Variants in LRP2 observed in about 807,000 individuals in gnomAD.
LRP2 encodes low-density lipoprotein receptor-related protein 2.
In LRP2, 172 loss-of-function variants were observed where a neutral mutation model predicts 531.0. The observed-to-expected ratio is 0.32, with a 90% CI of 0.29 to 0.37. The LOEUF (loss-of-function observed/expected upper bound fraction) is 0.37. LRP2 is among the 10% of genes least tolerant of loss of function. The pLI, the probability that LRP2 is intolerant of heterozygous loss-of-function variation, is 1.00. For missense variants in LRP2, 5,167 were observed against 5,868.3 expected, an observed-to-expected ratio of 0.88 and a Z score of 3.90; for synonymous variants, 1,992 against 2,027.6, an observed-to-expected ratio of 0.98 and a Z score of 0.47.
At position 169,128,787 on chromosome 2, in the gene LRP2, G is replaced by A. The variant is rs775156667; in HGVS notation, c.13844C>T (p.Pro4615Leu). Residue 4615 changes from proline (P) to leucine (L), a missense_variant, in exon 79 of 79, where the codon CCA (proline) becomes CTA (leucine). Around this residue, in one of 6 missense-constraint regions of LRP2, gnomAD observed 348 missense variants for 369.3 expected, o/e 0.94. Transcript: ENST00000649046. ...AGGCTTAGCAGGGAGCGAAGGTGAT[G>A]GAGGTGGTGTCGCAGCAACACTTTC... ...QKESVAATPP[P>L]SPSLPAKPKP... 2.5e-6 allele frequency: 4 copies of A among 1,613,992 alleles called. No homozygotes were observed. Among genetic ancestry groups the A allele is most frequent in the Non-Finnish European group, 3.4e-6 (4 of 1,180,002 alleles).
chr2:169,160,845 T>G (rs1283600018), intron 63 of LRP2, among the ~76,000 whole-genome samples: 1 of 152,206 alleles, frequency 6.6e-6, no homozygotes, highest in African/African-American at 2.4e-5. Flanking sequence ...TCAAGTCACT[T>G]CATTCTGTCA....
At position 169,190,488 on chromosome 2, in the gene LRP2, A is replaced by G. The variant is rs112629425; in HGVS notation, c.9032+1344T>C. The stretch of plus-strand genomic sequence containing the variant: ...TCAGGACCACCACAATAAACACACA[A>G]TCGTACACCACACTGGACTCCAACG... On this transcript the variant is annotated intron_variant, in intron 48 of 78. Transcript: ENST00000649046. Among the ~76,000 whole-genome samples the G allele has an allele frequency of 9.0e-3, 1,376 of 152,128 alleles. 15 individuals carry two copies. The highest frequency in any genetic ancestry group is 0.031 in the African/African-American group (1,295 of 41,498).
intron 69 of LRP2, 134 bp downstream of exon 69, chr2:169,146,605 G>T: frequency 1.5e-6 from 1 of 666,154 alleles, no homozygotes; most frequent in Non-Finnish European, 2.6e-6. Context: ...AGTTGGTGGG[G>T]GTGGAGGGGT....
In LRP2 at chr2:169,196,093, C is replaced by T. The variant is rs961176345; in HGVS notation, c.8698+818G>A. The stretch of plus-strand genomic sequence containing the variant: ...TTAAAAGGCAGTATGAAGACAAGGA[C>T]GAGCAAACTTTTTAACTAGATAGTA... On this transcript the variant is annotated intron_variant, in intron 46 of 78. Transcript: ENST00000649046. 5.3e-5 allele frequency among the ~76,000 whole-genome samples: 8 copies of T among 152,158 alleles called. No individual in the cohort carries two copies. The East Asian group carries it at 7.7e-4, about 15-fold the overall frequency.
chr2:169,241,439 A>G, intron 24 of LRP2, 74 bp from the exon 25 acceptor site: 15 of 1,549,010 alleles, frequency 9.7e-6, no homozygotes, highest in Non-Finnish European at 1.3e-5. Context: ...GACTCAGAGG[A>G]AATGATTTTG....
chr2:169,291,435 C>G (rs1683996955), intron 7 of LRP2, among the ~76,000 whole-genome samples: 1 of 152,076 alleles, frequency 6.6e-6, no homozygotes, highest in South Asian at 2.1e-4. Flanking sequence ...AAAACCATAA[C>G]CCAAATGTAG....
rs1688505596 is a variant in LRP2, at chr2:169,209,170, A to G, written c.6469+283T>C. On this transcript the variant is annotated intron_variant, in intron 38 of 78. Coordinates refer to ENST00000649046, the MANE Select transcript of LRP2 (RefSeq NM_004525.3). ...TCAGGTGCAAATCTAAGTGTAAAAA[A>G]AACAAATCCACATAATTTAATATTT... Among the ~76,000 whole-genome samples the G allele has an allele frequency of 2.6e-5, 4 of 152,352 alleles. No homozygotes were observed. The South Asian group carries it at 8.3e-4, about 32-fold the overall frequency.
chr2:169,198,065 TA>T (rs374313640), intron 45 of LRP2, among the ~76,000 whole-genome samples: 26 of 152,342 alleles, frequency 1.7e-4, no homozygotes, highest in Non-Finnish European at 1.2e-4. Flanking sequence ...ACCAAATTGC[TA>T]AATACGAAAT....
intron 66 of LRP2, 37 bp downstream of exon 66, chr2:169,154,423 C>T (rs770254336): frequency 1.9e-6 from 3 of 1,588,320 alleles, no homozygotes; most frequent in Admixed American, 1.7e-5. Context: ...TATAAAGTCA[C>T]TTAATATCAA....
chr2:169,336,236 C>A (rs1483011946), intron 1 of LRP2, among the ~76,000 whole-genome samples: 1 of 151,768 alleles, frequency 6.6e-6, no homozygotes, highest in Non-Finnish European at 1.5e-5. Context: ...GACATCCAGC[C>A]CCTGCAAACG....
In LRP2 at chr2:169,176,511, A is replaced by T; in HGVS notation, c.10471T>A (p.Cys3491Ser). 1.2e-6 allele frequency: 2 copies of T among 1,614,212 alleles called. No homozygotes were observed. Among genetic ancestry groups the T allele is most frequent in the Non-Finnish European group, 8.5e-7 (1 of 1,180,028 alleles). ...LIKPGGKGFTCECPDDFRTLQ... is the reference protein window; with the variant it reads ...LIKPGGKGFTSECPDDFRTLQ... Reference sequence around the variant, plus strand: ...GTGCGGAAGTCATCTGGACACTCGCAAGTGAACCCTTTTCCTCCTGGCTTG... The same window carrying T: ...GTGCGGAAGTCATCTGGACACTCGCTAGTGAACCCTTTTCCTCCTGGCTTG... Residue 3491 changes from cysteine (C) to serine (S), a missense_variant, in exon 54 of 79, where the codon TGC becomes AGC. This residue lies in a region of LRP2 where 1,129 missense variants were observed against 1,362.7 expected (regional missense o/e 0.83). Coordinates refer to ENST00000649046, the MANE Select transcript of LRP2 (RefSeq NM_004525.3).
At chr2:169,133,528 A>C (rs552972998) in intron 76 of LRP2, among the ~76,000 whole-genome samples, 1 of 152,336 alleles carries the variant, frequency 6.6e-6, no homozygotes, top group African/African-American at 2.4e-5. Context: ...AAAATCACAA[A>C]ATATTTGTAA....
rs577605342 is a variant in LRP2, at chr2:169,184,725, T to C, written c.9845+778A>G. The stretch of plus-strand genomic sequence containing the variant: ...TTCTCCAGTTTTCACGCCCAGCCCA[T>C]GCTGGGAATGACTAGTATTGGTTGT... On this transcript the variant is annotated intron_variant, in intron 50 of 78. Transcript: ENST00000649046. 2.0e-5 allele frequency among the ~76,000 whole-genome samples: 3 copies of C among 152,054 alleles called. No homozygotes were observed. In the East Asian group the frequency reaches 5.8e-4, roughly 29 times the overall value.
intron 1 of LRP2, among the ~76,000 whole-genome samples, chr2:169,335,746 G>T (rs1008840089): frequency 6.6e-5 from 10 of 152,294 alleles, no homozygotes; most frequent in South Asian, 2.1e-4. Flanking sequence ...AGGTGTGGTG[G>T]ATTACTCCCG....
chr2:169,261,742 T>G (rs1690563526), intron 16 of LRP2, among the ~76,000 whole-genome samples: 1 of 152,110 alleles, frequency 6.6e-6, no homozygotes, highest in Non-Finnish European at 1.5e-5. Context: ...TAACTCATTT[T>G]ATGAGGCCAG....
chr2:169,275,918 CTA>C (rs1342229312), intron 13 of LRP2, among the ~76,000 whole-genome samples: 4 of 152,032 alleles, frequency 2.6e-5, no homozygotes, highest in African/African-American at 9.7e-5. Context: ...CCCCCCGTGA[CTA>C]TGTCTCCATA....
At chr2:169,130,932 C>A (rs1685262104) in intron 77 of LRP2, among the ~76,000 whole-genome samples, 1 of 152,202 alleles carries the variant, frequency 6.6e-6, no homozygotes, top group Non-Finnish European at 1.5e-5. Context: ...AACAGACATG[C>A]AGATCAGAGG....
At chr2:169,288,979 A>C in intron 9 of LRP2, 47 bp downstream of exon 9, 1 of 1,611,828 alleles carries the variant, frequency 6.2e-7, no homozygotes, top group Non-Finnish European at 8.5e-7. Flanking sequence ...GGCACCCATC[A>C]GTGTACTGTA....
rs1685771457 is a variant in LRP2, at chr2:169,142,810, A to C, written c.12989-17T>G. 6.2e-7 allele frequency: 1 copy of C among 1,613,566 alleles called. No homozygotes were observed. Among genetic ancestry groups the C allele is most frequent in the Admixed American group, 1.7e-5 (1 of 60,010 alleles). ...GGTTGGGCACTGGAAAGCGGGTGAGAACAGCAGTTAGGTCCTGACAGAATG... is the reference window on the plus strand; with the variant it reads ...GGTTGGGCACTGGAAAGCGGGTGAGCACAGCAGTTAGGTCCTGACAGAATG... On this transcript the variant is annotated splice_polypyrimidine_tract_variant and intron_variant, in intron 70 of 78. Transcript: ENST00000649046.
Sources: allele counts gnomAD v4.1 joint callset (sites outside exome capture counted in the v4.1 genomes callset), GRCh38; gene constraint gnomAD v4.1.1; regional missense constraint gnomAD v4.1.1; transcripts MANE v1.5; gene names NCBI Gene and HGNC (gene_info 2026-07-23, HGNC 2026-07-21).